Variants in SORCS2 observed in about 807,000 individuals in gnomAD.
SORCS2 encodes the protein VPS10 domain-containing receptor SorCS2.
In SORCS2, 100 loss-of-function variants were observed where a neutral mutation model predicts 141.6. The observed-to-expected ratio is 0.71, with a 90% CI of 0.60 to 0.83. The LOEUF is 0.83. Among genes scored for constraint, SORCS2 ranks in the 40% least tolerant of loss-of-function variants. The probability of loss-of-function intolerance (pLI) is 0.00; values close to 1 mark genes in which losing one functional copy is unlikely to be tolerated. For synonymous variants in SORCS2, 789 were observed against 676.9 expected, an observed-to-expected ratio of 1.17 and a Z score of -2.57; for missense variants, 1,646 against 1,560.2, an observed-to-expected ratio of 1.05 and a Z score of -0.93.
intron 3 of SORCS2, among the ~76,000 whole-genome samples, chr4:7,636,104 G>A (rs1348035794): frequency 6.6e-6 from 1 of 152,222 alleles, no homozygotes; most frequent in East Asian, 1.9e-4. Context: ...CTCATCTTCA[G>A]CAGGGCTGGT....
At chr4:7,666,227 G>T (rs1367402072) in intron 7 of SORCS2, among the ~76,000 whole-genome samples, 1 of 152,108 alleles carries the variant, frequency 6.6e-6, no homozygotes, top group African/African-American at 2.4e-5. Context: ...TTTGAACGAC[G>T]TCCACGTCTG....
intron 2 of SORCS2, among the ~76,000 whole-genome samples, chr4:7,515,931 C>T (rs1223989777): frequency 6.6e-6 from 1 of 152,186 alleles, no homozygotes; most frequent in Non-Finnish European, 1.5e-5. Flanking sequence ...GGGCCTGTGT[C>T]CTCACTCATG....
intron 1 of SORCS2, among the ~76,000 whole-genome samples, chr4:7,331,476 C>T (rs1376354992): frequency 6.6e-6 from 1 of 152,100 alleles, no homozygotes; most frequent in South Asian, 2.1e-4. Flanking sequence ...GTACGGACTG[C>T]GGTCCCCTAA....
intron 1 of SORCS2, among the ~76,000 whole-genome samples, chr4:7,346,707 G>A (rs906775536): frequency 2.0e-5 from 3 of 152,142 alleles, no homozygotes; most frequent in Non-Finnish European, 4.4e-5. Context: ...ATGTACTTTA[G>A]GGCTATGTTG....
chr4:7,262,375 T>TATCCATCCATCC (rs61111993), intron 1 of SORCS2, among the ~76,000 whole-genome samples: 67 of 137,178 alleles, frequency 4.9e-4, no homozygotes, highest in African/African-American at 1.2e-3. Context: ...CCTATCCATC[T>TATCCATCCATCC]ATCCATCCAT....
At chr4:7,241,921 G>A (rs984277806) in intron 1 of SORCS2, among the ~76,000 whole-genome samples, 1 of 152,216 alleles carries the variant, frequency 6.6e-6, no homozygotes, top group Non-Finnish European at 1.5e-5. Flanking sequence ...TCCGTGCCTG[G>A]CAGTGGGAGT....
At chr4:7,399,924 G>A (rs1168060376) in intron 2 of SORCS2, among the ~76,000 whole-genome samples, 1 of 152,078 alleles carries the variant, frequency 6.6e-6, no homozygotes, top group African/African-American at 2.4e-5. Flanking sequence ...GAATCTCCTG[G>A]GATCTTCCTG....
rs182890781 is a variant in SORCS2, at chr4:7,645,132, C to T, written c.813+6640C>T. On this transcript the variant is annotated intron_variant, in intron 4 of 26. Coordinates refer to ENST00000507866, the MANE Select transcript of SORCS2 (RefSeq NM_020777.3). ...CCTTGCTCACAGGAACCCACGGTGA[C>T]GACTCGCTTTTTAGGCATCTATTGA... 8.5e-5 allele frequency among the ~76,000 whole-genome samples: 13 copies of T among 152,302 alleles called. No homozygotes were observed. In the South Asian group the frequency reaches 1.2e-3, roughly 15 times the overall value.
intron 2 of SORCS2, among the ~76,000 whole-genome samples, chr4:7,421,680 C>T (rs940194685): frequency 9.9e-5 from 15 of 152,106 alleles, no homozygotes; most frequent in Admixed American, 6.5e-4. Flanking sequence ...CCGGGGACAG[C>T]GAGTGACTGT....
intron 1 of SORCS2, among the ~76,000 whole-genome samples, chr4:7,250,718 G>T (rs1393409330): frequency 6.6e-6 from 1 of 152,382 alleles, no homozygotes; most frequent in African/African-American, 2.4e-5. Context: ...AGGCGAGGCC[G>T]AGGAACAGCT....
intron 2 of SORCS2, among the ~76,000 whole-genome samples, chr4:7,460,644 A>T (rs563553090): frequency 6.6e-6 from 1 of 152,310 alleles, no homozygotes; most frequent in Non-Finnish European, 1.5e-5. Context: ...GAGCTGTGTA[A>T]TCGAGATTTG....
chr4:7,469,323 C>A (rs1358525583), intron 2 of SORCS2, among the ~76,000 whole-genome samples: 1 of 151,810 alleles, frequency 6.6e-6, no homozygotes, highest in Non-Finnish European at 1.5e-5. Flanking sequence ...TAGCAAGGGA[C>A]TGGAAAATAG....
intron 2 of SORCS2, among the ~76,000 whole-genome samples, chr4:7,448,219 G>C (rs557954414): frequency 6.6e-6 from 1 of 152,274 alleles, no homozygotes; most frequent in South Asian, 2.1e-4. Flanking sequence ...AGCAGGGAGA[G>C]TGGCCGGAGT....
intron 3 of SORCS2, among the ~76,000 whole-genome samples, chr4:7,543,915 C>CGCATCCAT (rs1713001989): frequency 9.6e-5 from 3 of 31,194 alleles, no homozygotes; most frequent in African/African-American, 3.5e-4. Flanking sequence ...CACCCATCCA[C>CGCATCCAT]CCATCCACCC....
At chr4:7,328,743 C>A (rs1719446885) in intron 1 of SORCS2, among the ~76,000 whole-genome samples, 1 of 152,196 alleles carries the variant, frequency 6.6e-6, no homozygotes, top group African/African-American at 2.4e-5. Flanking sequence ...GCCTTGGAGA[C>A]AAGTCCTGGT....
At chr4:7,198,365 G>A (rs1234847428) in intron 1 of SORCS2, among the ~76,000 whole-genome samples, 1 of 152,238 alleles carries the variant, frequency 6.6e-6, no homozygotes, top group Non-Finnish European at 1.5e-5. Flanking sequence ...TTGTGGTTTT[G>A]TGATGTCAAC....
chr4:7,334,175 C>T (rs924006873), intron 1 of SORCS2, among the ~76,000 whole-genome samples: 5 of 152,072 alleles, frequency 3.3e-5, no homozygotes, highest in African/African-American at 1.2e-4. Context: ...AGAAGGTGCC[C>T]ACACAGGCAT....
intron 3 of SORCS2, among the ~76,000 whole-genome samples, chr4:7,539,856 T>A (rs931575082): frequency 4.2e-5 from 6 of 141,956 alleles, no homozygotes; most frequent in Non-Finnish European, 9.1e-5. Context: ...GCCCCATTCC[T>A]GCTGTGGAAG....
chr4:7,420,391 G>A (rs1725960539), intron 2 of SORCS2, among the ~76,000 whole-genome samples: 1 of 152,194 alleles, frequency 6.6e-6, no homozygotes, highest in African/African-American at 2.4e-5. Flanking sequence ...AGCAGTGAAA[G>A]CACCAAGCCA....
Sources: allele counts gnomAD v4.1 joint callset (sites outside exome capture counted in the v4.1 genomes callset), GRCh38; gene constraint gnomAD v4.1.1; transcripts MANE v1.5; gene names NCBI Gene and HGNC (gene_info 2026-07-23, HGNC 2026-07-21).